KCND3: variants seen among roughly 807,000 people sequenced by gnomAD.
KCND3 encodes potassium voltage-gated channel subfamily D member 3, also known as A-type voltage-gated potassium channel KCND3.
Under a neutral mutation model 51.1 loss-of-function variants are expected in KCND3, and 9 were observed. That is an observed-to-expected ratio of 0.18 (90% CI 0.11 to 0.31). The LOEUF (loss-of-function observed/expected upper bound fraction) is 0.31. Among genes scored for constraint, KCND3 ranks in the 10% least tolerant of loss-of-function variants. The pLI, the probability that KCND3 is intolerant of heterozygous loss-of-function variation, is 1.00. For missense variants in KCND3, 526 were observed against 903.8 expected, an observed-to-expected ratio of 0.58 and a Z score of 5.36; for synonymous variants, 349 against 368.0, an observed-to-expected ratio of 0.95 and a Z score of 0.59.
chr1:111,798,463 T>A (rs910195749), intron 2 of KCND3, among the ~76,000 whole-genome samples: 2 of 152,138 alleles, frequency 1.3e-5, no homozygotes, highest in African/African-American at 4.8e-5. Flanking sequence ...CCCCAAAATG[T>A]CTATTTCCCC....
intron 2 of KCND3, among the ~76,000 whole-genome samples, chr1:111,948,446 T>C (rs1000995703): frequency 6.6e-6 from 1 of 152,212 alleles, no homozygotes; most frequent in Non-Finnish European, 1.5e-5. Flanking sequence ...TGCTCAGGAC[T>C]CTGGCCCACA....
Position 111,775,827 on chromosome 1 carries a change from A to ACCCCCCC in KCND3, c.*249_*250insGGGGGGG. On this transcript the variant is annotated 3_prime_UTR_variant, in exon 8 of 8. Transcript: ENST00000302127. ...CCCCCGGCCTATCCCCGACCCCCCC[A>ACCCCCCC]CCCTCCCTCCCTTCCTCTGGCCCCA... is the stretch of plus-strand genomic sequence containing the variant. The ACCCCCCC allele has an allele frequency of 4.0e-5, 3 of 75,850 alleles. No individual in the cohort carries two copies. Among genetic ancestry groups the ACCCCCCC allele is most frequent in the South Asian group, 9.5e-5 (1 of 10,570 alleles). The allele number at this position is 75,850 out of a possible 1,614,324, so 4.7% of individuals were successfully genotyped here.
At chr1:111,804,382 G>C (rs1665465934) in intron 2 of KCND3, among the ~76,000 whole-genome samples, 1 of 152,172 alleles carries the variant, frequency 6.6e-6, no homozygotes, top group South Asian at 2.1e-4. Flanking sequence ...CCCACACCCT[G>C]TTGCGACTGC....
chr1:111,885,562 G>A (rs995996751), intron 2 of KCND3, among the ~76,000 whole-genome samples: 12 of 152,318 alleles, frequency 7.9e-5, no homozygotes, highest in African/African-American at 2.9e-4. Flanking sequence ...CCAGAAGGGT[G>A]CATGAGAAAC....
At chr1:111,886,941 A>G (rs1421591907) in intron 2 of KCND3, among the ~76,000 whole-genome samples, 1 of 152,180 alleles carries the variant, frequency 6.6e-6, no homozygotes, top group Non-Finnish European at 1.5e-5. Context: ...TGCTCTGAGG[A>G]AATTCTTGGA....
chr1:111,799,873 A>G lies in KCND3; in HGVS notation c.1107-12767T>C, dbSNP rs372507165. Among the ~76,000 whole-genome samples, 7 of 152,240 alleles carry G rather than the reference A, an allele frequency of 4.6e-5. No homozygotes were observed. The East Asian group carries it at 5.8e-4, about 13-fold the overall frequency. On this transcript the variant is annotated intron_variant, in intron 2 of 7. Coordinates refer to ENST00000302127, the MANE Select transcript of KCND3 (RefSeq NM_001378969.1). ...GATAAAAACCAGGAAAGGAGATGTC[A>G]TCAACTTCACTACCGGTCTCCTGTC... is the stretch of plus-strand genomic sequence containing the variant.
chr1:111,820,152 G>A (rs1327617747), intron 2 of KCND3, among the ~76,000 whole-genome samples: 2 of 152,092 alleles, frequency 1.3e-5, no homozygotes, highest in Non-Finnish European at 2.9e-5. Flanking sequence ...ATTTCCCAAT[G>A]TTCCAGCCAA....
At chr1:111,803,789 T>G (rs669088) in intron 2 of KCND3, among the ~76,000 whole-genome samples, 5 of 151,956 alleles carry the variant, frequency 3.3e-5, no homozygotes, top group Non-Finnish European at 7.4e-5. Context: ...TTTGTATACA[T>G]TTGAAATTTT....
chr1:111,802,105 T>G (rs1476867061), intron 2 of KCND3, among the ~76,000 whole-genome samples: 1 of 152,256 alleles, frequency 6.6e-6, no homozygotes, highest in East Asian at 1.9e-4. Context: ...GTTATAAAAA[T>G]CAAGTCTGTA....
At chr1:111,904,128 C>T (rs1347340666) in intron 2 of KCND3, among the ~76,000 whole-genome samples, 23 of 146,154 alleles carry the variant, frequency 1.6e-4, no homozygotes, top group African/African-American at 5.3e-4. Flanking sequence ...ACCTCAATTT[C>T]CAGCAACCTG....
At position 111,981,292 on chromosome 1, in the gene KCND3, A is replaced by C. The variant is rs1222686925; in HGVS notation, c.1106+329T>G. On this transcript the variant is annotated intron_variant, in intron 2 of 7. Coordinates refer to ENST00000302127, the MANE Select transcript of KCND3 (RefSeq NM_001378969.1). The surrounding 1 kb of genome is among the most constrained non-coding windows in gnomAD (Gnocchi z 6.2). ...CTCCCCACGCTGCCCCATATGCGCA[A>C]ATGCATATACAAATGCAGACATCAC... 6.6e-6 allele frequency among the ~76,000 whole-genome samples: 1 copy of C among 152,134 alleles called. No individual in the cohort carries two copies. Among genetic ancestry groups the C allele is most frequent in the East Asian group, 1.9e-4 (1 of 5,188 alleles).
intron 2 of KCND3, among the ~76,000 whole-genome samples, chr1:111,979,332 T>C (rs913159052): frequency 3.3e-5 from 5 of 152,244 alleles, no homozygotes; most frequent in Admixed American, 1.3e-4. Flanking sequence ...CCCAGAGCAT[T>C]AAAACATGGA....
intron 2 of KCND3, among the ~76,000 whole-genome samples, chr1:111,952,059 G>C (rs1005612740): frequency 6.6e-6 from 1 of 152,214 alleles, no homozygotes; most frequent in African/African-American, 2.4e-5. Flanking sequence ...AATCAGCCAG[G>C]GCACATCTGC....
chr1:111,972,090 C>T (rs1674357105), intron 2 of KCND3, among the ~76,000 whole-genome samples: 1 of 152,188 alleles, frequency 6.6e-6, no homozygotes, highest in Non-Finnish European at 1.5e-5. Context: ...AATTCCTTAG[C>T]CTAATATTTT....
At chr1:111,886,448 T>C (rs140837544) in intron 2 of KCND3, among the ~76,000 whole-genome samples, 150 of 152,340 alleles carry the variant, frequency 9.8e-4, no homozygotes, top group African/African-American at 3.2e-3. Flanking sequence ...GACATTTAAA[T>C]TGGAAAAGAT....
At chr1:111,944,840 C>T (rs574966375) in intron 2 of KCND3, among the ~76,000 whole-genome samples, 3 of 152,310 alleles carry the variant, frequency 2.0e-5, no homozygotes, top group East Asian at 3.9e-4. Context: ...TTACCATTAC[C>T]GGAGGCCCAG....
At chr1:111,823,566 C>T (rs1351062710) in intron 2 of KCND3, among the ~76,000 whole-genome samples, 1 of 152,108 alleles carries the variant, frequency 6.6e-6, no homozygotes, top group East Asian at 1.9e-4. Flanking sequence ...ATCTGAAGAG[C>T]ATTCTTCTTG....
chr1:111,974,396 C>T (rs552549138), intron 2 of KCND3, among the ~76,000 whole-genome samples: 2 of 151,628 alleles, frequency 1.3e-5, no homozygotes, highest in East Asian at 1.9e-4. Flanking sequence ...ACTTGGACAT[C>T]ACTAGAGGAT....
At chr1:111,967,097 G>A (rs764226117) in intron 2 of KCND3, among the ~76,000 whole-genome samples, 2 of 147,596 alleles carry the variant, frequency 1.4e-5, no homozygotes, top group Non-Finnish European at 3.0e-5. Context: ...CCGAGATCAC[G>A]CCATTGCACT....
Sources: gnomAD v4.1 joint callset for allele counts (sites outside exome capture counted in the v4.1 genomes callset) on GRCh38, gnomAD v4.1.1 for gene constraint, Gnocchi (gnomAD v3.1) non-coding constraint, MANE v1.5 for transcripts, NCBI Gene and HGNC (gene_info 2026-07-23, HGNC 2026-07-21) for gene names.